DNAH8: variants seen among roughly 807,000 people sequenced by gnomAD.
The protein encoded by DNAH8 is axonemal beta dynein heavy chain 8.
A neutral mutation model predicts 562.1 loss-of-function variants in DNAH8; 382 were observed. The ratio of observed to expected loss-of-function variants is 0.68; its 90% CI spans 0.63 to 0.74. The LOEUF is 0.74. Among genes scored for constraint, DNAH8 ranks in the 30% least tolerant of loss-of-function variants. The probability of loss-of-function intolerance (pLI) is 0.00; values close to 1 mark genes in which losing one functional copy is unlikely to be tolerated. For synonymous variants in DNAH8, 1,881 were observed against 1,919.4 expected, an observed-to-expected ratio of 0.98 and a Z score of 0.52; for missense variants, 5,203 against 5,620.4, an observed-to-expected ratio of 0.93 and a Z score of 2.37.
chr6:38,761,856 A>G (rs1766550950), intron 11 of DNAH8, 53 bp downstream of exon 11: 1 of 1,103,092 alleles, frequency 9.1e-7, no homozygotes, highest in Non-Finnish European at 1.3e-6. Flanking sequence ...CATCCTGCCC[A>G]ATTTTACTTT....
In DNAH8 at chr6:38,939,004, T is replaced by C. The variant is rs529166021; in HGVS notation, c.12007+16T>C. 1.2e-6 allele frequency: 2 copies of C among 1,606,262 alleles called. No homozygotes were observed. Among genetic ancestry groups the C allele is most frequent in the African/African-American group, 2.7e-5 (2 of 74,808 alleles). On this transcript the variant is annotated intron_variant, in intron 79 of 92. Transcript: ENST00000327475. ...CTCATTAAAGGTAAAGTGTGTGGGA[T>C]ACAGATGTGGTGTGTGGAGGATGTT...
At position 38,823,677 on chromosome 6, in the gene DNAH8, A is replaced by G. The variant is rs775633963; in HGVS notation, c.3836A>G (p.Glu1279Gly). Residue 1279 changes from glutamate (E) to glycine (G), a missense_variant, in exon 28 of 93, where the codon GAA becomes GGA. By Grantham distance (98) the Glu-to-Gly change is moderately conservative. Around this residue, in one of 6 missense-constraint regions of DNAH8, gnomAD observed 2,176 missense variants for 2,365.1 expected, o/e 0.92. Coordinates refer to ENST00000327475, the MANE Select transcript of DNAH8 (RefSeq NM_001206927.2). ...LKPIIVVGAL[E>G]LHTEPMKLAL... ...CCTATTATTGTTGTAGGAGCACTTG[A>G]ATTACATACAGGTATTTTAAAAATG... 10 of 1,596,782 alleles carry G rather than the reference A, an allele frequency of 6.3e-6. No individual in the cohort carries two copies. The highest frequency in any genetic ancestry group is 8.6e-6 in the Non-Finnish European group (10 of 1,167,014).
At chr6:38,767,795 A>T (rs952379126) in intron 11 of DNAH8, among the ~76,000 whole-genome samples, 1 of 152,178 alleles carries the variant, frequency 6.6e-6, no homozygotes, top group Non-Finnish European at 1.5e-5. Flanking sequence ...CCTGCTTTCA[A>T]TTCTGCTGGG....
At chr6:38,968,992 C>T (rs1340613694) in intron 82 of DNAH8, among the ~76,000 whole-genome samples, 1 of 152,026 alleles carries the variant, frequency 6.6e-6, no homozygotes, top group African/African-American at 2.4e-5. Flanking sequence ...TATGGATGAA[C>T]CTTGAAAGCA....
Position 38,894,717 on chromosome 6 carries a change from C to T in DNAH8, c.8600C>T (p.Thr2867Ile), listed in dbSNP as rs778175950. Residue 2867 changes from threonine (T) to isoleucine (I), a missense_variant, in exon 59 of 93, where the codon ACT (threonine) becomes ATT (isoleucine). By Grantham distance (89) the Thr-to-Ile change is moderately conservative. Coordinates refer to ENST00000327475, the MANE Select transcript of DNAH8 (RefSeq NM_001206927.2). ...WQWTKVKMLPTPSKFHYIFNL... is the reference protein window; with the variant it reads ...WQWTKVKMLPIPSKFHYIFNL... ...CATCTCTAGGTGAAGATGCTGCCAA[C>T]TCCTTCTAAATTTCATTACATCTTC... 3 of 1,613,758 alleles carry T rather than the reference C, an allele frequency of 1.9e-6. No individual in the cohort carries two copies. The South Asian group carries it at 3.3e-5, about 18-fold the overall frequency.
intron 24 of DNAH8, among the ~76,000 whole-genome samples, chr6:38,808,114 A>G (rs1414721399): frequency 6.6e-6 from 1 of 152,164 alleles, no homozygotes; most frequent in Admixed American, 6.5e-5. Flanking sequence ...CATGGGGTAT[A>G]GTTTTTTACA....
In DNAH8 at chr6:38,951,465, C is replaced by T; in HGVS notation, c.12396C>T (p.Ser4132=). Residue 4132 remains serine (S), a synonymous_variant, in exon 82 of 93, where the codon TCC becomes TCT. Coordinates refer to ENST00000327475, the MANE Select transcript of DNAH8 (RefSeq NM_001206927.2). The part of the protein sequence containing the change: ...DTRTPLICFL[S]MGSDPTNQID... ...GGACACCTCTGATATGCTTCCTGTCCATGGGATCTGACCCCACCAATCAAA... is the reference window on the plus strand; with the variant it reads ...GGACACCTCTGATATGCTTCCTGTCTATGGGATCTGACCCCACCAATCAAA... The T allele has an allele frequency of 6.2e-7, 1 of 1,614,122 alleles. No individual in the cohort carries two copies. The highest frequency in any genetic ancestry group is 1.1e-5 in the South Asian group (1 of 91,082).
chr6:38,803,550 A>C (rs1401968702), intron 22 of DNAH8, among the ~76,000 whole-genome samples: 5 of 151,366 alleles, frequency 3.3e-5, no homozygotes, highest in Admixed American at 2.6e-4. Context: ...CCAGCGTTGC[A>C]AGTTGGCCTT....
At position 38,741,757 on chromosome 6, in the gene DNAH8, G is replaced by A. The variant is rs141326848; in HGVS notation, c.1163G>A (p.Gly388Asp). 1.2e-6 allele frequency: 2 copies of A among 1,613,954 alleles called. No individual in the cohort carries two copies. The highest frequency in any genetic ancestry group is 1.1e-5 in the South Asian group (1 of 91,050). Residue 388 changes from glycine (G) to aspartate (D), a missense_variant, in exon 8 of 93, where the codon GGT (glycine) becomes GAT (aspartate). By Grantham distance (94) the Gly-to-Asp change is moderately conservative (BLOSUM62 -1). This residue lies in a region of DNAH8 where 556 missense variants were observed against 496.9 expected (regional missense o/e 1.12). Transcript: ENST00000327475. ...ATGAGAAAAGAAGCTGGTGATTCAG[G>A]TCCACTCACTGAATTGGAACACTGG... ...EQMRKEAGDSGPLTELEHWKR... is the reference protein window; with the variant it reads ...EQMRKEAGDSDPLTELEHWKR...
chr6:39,012,942 C>G (rs1169220212), intron 91 of DNAH8, among the ~76,000 whole-genome samples: 1 of 152,180 alleles, frequency 6.6e-6, no homozygotes, highest in South Asian at 2.1e-4. Context: ...AAGTTTCTCT[C>G]TAACTTATAG....
In DNAH8 at chr6:38,906,266, G is replaced by A; in HGVS notation, c.9207G>A (p.Val3069=). 1 of 1,591,778 alleles carries A rather than the reference G, an allele frequency of 6.3e-7. No homozygotes were observed. Among genetic ancestry groups the A allele is most frequent in the Non-Finnish European group, 8.6e-7 (1 of 1,166,268 alleles). ...TTTTTCTTCTTAGGTCTTACAATGT[G>A]ACTAATCTAACAGATGATTTAAAAG... The part of the protein sequence containing the change: ...FQITLTRSYN[V]TNLTDDLKAL... The change falls in exon 63 of 93, where the codon GTG becomes GTA. Residue 3069 remains valine (V), a synonymous_variant. Transcript: ENST00000327475.
At chr6:38,917,449 G>A in intron 69 of DNAH8, 43 bp downstream of exon 69, 1 of 1,543,588 alleles carries the variant, frequency 6.5e-7, no homozygotes, top group South Asian at 1.2e-5. Context: ...GCTGCATCAG[G>A]CGTCCTCAGC....
rs1313501002 is a variant in DNAH8 at position 38,872,574 on chromosome 6, T to C, written c.7029T>C (p.Thr2343=). The C allele has an allele frequency of 2.5e-6, 4 of 1,614,120 alleles. No homozygotes were observed. The highest frequency in any genetic ancestry group is 3.4e-6 in the Non-Finnish European group (4 of 1,179,962). The change falls in exon 50 of 93, where the codon ACT becomes ACC. Residue 2343 remains threonine (T), a synonymous_variant. Coordinates refer to ENST00000327475, the MANE Select transcript of DNAH8 (RefSeq NM_001206927.2). ...ETSLVRHGLM[T]LGPSGSGKTT... ...CTTTGGTACGGCATGGCTTGATGAC[T>C]CTTGGGCCCAGTGGTTCTGGAAAGA... is the stretch of plus-strand genomic sequence containing the variant.
At chr6:38,870,951 C>T (rs968050833) in intron 49 of DNAH8, among the ~76,000 whole-genome samples, 5 of 152,162 alleles carry the variant, frequency 3.3e-5, no homozygotes, top group African/African-American at 1.2e-4. Flanking sequence ...TATTTTGCTC[C>T]TGCTTTGTGT....
chr6:38,956,675 AAAAC>A (rs1270641153), intron 82 of DNAH8, among the ~76,000 whole-genome samples: 2 of 150,818 alleles, frequency 1.3e-5, no homozygotes, highest in Non-Finnish European at 3.0e-5. Flanking sequence ...TTGTCCCTAA[AAAAC>A]AAAACAAAAC....
chr6:38,763,915 GA>G (rs1305189618), intron 11 of DNAH8: 2 of 153,650 alleles, frequency 1.3e-5, no homozygotes, highest in Non-Finnish European at 2.9e-5. Context: ...AATAGCTAAG[GA>G]GAAAGAAGAG....
At chr6:38,815,690 G>C in intron 26 of DNAH8, 33 bp downstream of exon 26, 1 of 1,553,672 alleles carries the variant, frequency 6.4e-7, no homozygotes, top group Non-Finnish European at 8.8e-7. Flanking sequence ...TGATCTTACT[G>C]ATCCTTTTTG....
At chr6:38,764,763 C>G (rs542819056) in intron 11 of DNAH8, 3 of 152,100 alleles carry the variant, frequency 2.0e-5, no homozygotes, top group African/African-American at 7.2e-5. Flanking sequence ...ATGCTAAGCA[C>G]CTTTTCAAAT....
intron 7 of DNAH8, among the ~76,000 whole-genome samples, chr6:38,738,691 G>T (rs751153769): frequency 1.2e-4 from 18 of 152,140 alleles, no homozygotes; most frequent in Non-Finnish European, 1.8e-4. Context: ...AGGAGGTACA[G>T]AAAAGCGTTT....
Sources: gnomAD v4.1 joint callset for allele counts (sites outside exome capture counted in the v4.1 genomes callset) on GRCh38, gnomAD v4.1.1 for gene constraint, gnomAD v4.1.1 regional missense constraint, MANE v1.5 for transcripts, NCBI Gene and HGNC (gene_info 2026-07-23, HGNC 2026-07-21) for gene names.